The following CACNG2 variants were observed in gnomAD, a reference collection of about 807,000 sequenced individuals.
The protein encoded by CACNG2 is voltage-dependent calcium channel gamma-2 subunit.
Under a neutral mutation model 25.9 loss-of-function variants are expected in CACNG2, and 3 were observed. The observed-to-expected ratio is 0.12, with a 90% CI of 0.05 to 0.30. CACNG2 has a LOEUF of 0.30. Ranked by LOEUF, CACNG2 falls within the 10% of genes least tolerant of loss-of-function variation. CACNG2 has a pLI of 1.00. For missense variants in CACNG2, 341 were observed against 432.5 expected (o/e 0.79, Z 1.88); for synonymous variants, 167 against 173.3 (o/e 0.96, Z 0.29).
chr22:36,612,089 T>C lies in CACNG2; in HGVS notation c.212-24541A>G, dbSNP rs1003303674. ...CCAGCAATCCAAGTTCAAGTATCAG[T>C]AGGACATTTTATTAGATATAGAATG... On this transcript the variant is annotated intron_variant, in intron 1 of 3. Coordinates refer to ENST00000300105, the MANE Select transcript of CACNG2 (RefSeq NM_006078.5). 2.0e-5 allele frequency among the ~76,000 whole-genome samples: 3 copies of C among 152,176 alleles called. No individual in the cohort carries two copies. The East Asian group carries it at 5.8e-4, about 29-fold the overall frequency.
chr22:36,693,960 A>G (rs761995618), intron 1 of CACNG2, among the ~76,000 whole-genome samples: 3 of 152,312 alleles, frequency 2.0e-5, no homozygotes, highest in African/African-American at 2.4e-5. Flanking sequence ...TTTCAACTCT[A>G]TCCTAGAGTC....
At chr22:36,620,340 G>A (rs1050596492) in intron 1 of CACNG2, among the ~76,000 whole-genome samples, 2 of 152,202 alleles carry the variant, frequency 1.3e-5, no homozygotes, top group African/African-American at 2.4e-5. Context: ...GCAATTGAAC[G>A]ACTTTCCACT....
At chr22:36,622,572 A>C (rs891934915) in intron 1 of CACNG2, among the ~76,000 whole-genome samples, 1 of 152,230 alleles carries the variant, frequency 6.6e-6, no homozygotes, top group Non-Finnish European at 1.5e-5. Flanking sequence ...GGGTGAAGGC[A>C]GACATTCGGC....
chr22:36,587,434 G>T lies in CACNG2; in HGVS notation c.295+31C>A, dbSNP rs776752669. 7 of 1,505,218 alleles carry T rather than the reference G, an allele frequency of 4.7e-6. No individual in the cohort carries two copies. In the South Asian group the frequency reaches 7.9e-5, roughly 17 times the overall value. 93.2% of individuals were successfully genotyped at this position (1,505,218 alleles called of 1,614,324 possible). On this transcript the variant is annotated intron_variant, in intron 2 of 3. Transcript: ENST00000300105. ...ATGGAAGGGCAGGGCCCACCACCAG[G>T]AGGGAGATAAAAACAATCGTGTGCA...
At chr22:36,572,706 C>A (rs1935252342) in intron 2 of CACNG2, among the ~76,000 whole-genome samples, 1 of 150,304 alleles carries the variant, frequency 6.7e-6, no homozygotes, top group South Asian at 2.1e-4. Flanking sequence ...GAGTGAGACT[C>A]CATCTCAAAA....
chr22:36,618,691 C>A (rs181711162), intron 1 of CACNG2, among the ~76,000 whole-genome samples: 2 of 152,102 alleles, frequency 1.3e-5, no homozygotes, highest in East Asian at 1.9e-4. Context: ...GAGGCTGAGG[C>A]GAGCGGATCA....
intron 2 of CACNG2, among the ~76,000 whole-genome samples, chr22:36,582,934 T>C (rs1935443630): frequency 6.6e-6 from 1 of 151,982 alleles, no homozygotes; most frequent in African/African-American, 2.4e-5. Context: ...GTGTGTGAAT[T>C]GCTCACACTT....
chr22:36,590,870 C>T (rs1040774038), intron 1 of CACNG2, among the ~76,000 whole-genome samples: 3 of 152,092 alleles, frequency 2.0e-5, no homozygotes, highest in Non-Finnish European at 2.9e-5. Context: ...TCCTGCCATG[C>T]TCCCTCCTAC....
intron 1 of CACNG2, among the ~76,000 whole-genome samples, chr22:36,675,089 T>C (rs1937003623): frequency 6.6e-6 from 1 of 152,204 alleles, no homozygotes. Context: ...CCAGGCCGAA[T>C]GCAGTGTTGT....
intron 1 of CACNG2, among the ~76,000 whole-genome samples, chr22:36,626,166 C>T (rs991149703): frequency 6.6e-6 from 1 of 152,186 alleles, no homozygotes; most frequent in Admixed American, 6.5e-5. Flanking sequence ...ATGATCCACG[C>T]GCCTGGGCCT....
chr22:36,650,796 A>C (rs943755534), intron 1 of CACNG2, among the ~76,000 whole-genome samples: 129 of 152,316 alleles, frequency 8.5e-4, no homozygotes, highest in Non-Finnish European at 2.2e-4. Flanking sequence ...CTGGGATTTT[A>C]GGCATGAGCC....
chr22:36,623,995 G>A (rs745777316), intron 1 of CACNG2, among the ~76,000 whole-genome samples: 3 of 152,078 alleles, frequency 2.0e-5, no homozygotes, highest in Non-Finnish European at 2.9e-5. Context: ...CTTTTGGCTT[G>A]CAGATTCTAG....
At chr22:36,583,302 G>A (rs973374503) in intron 2 of CACNG2, among the ~76,000 whole-genome samples, 3 of 151,912 alleles carry the variant, frequency 2.0e-5, no homozygotes, top group African/African-American at 7.3e-5. Flanking sequence ...ATGTGGTGGC[G>A]GGTGCCTGTA....
chr22:36,671,652 C>G (rs574266788), intron 1 of CACNG2, among the ~76,000 whole-genome samples: 1 of 152,210 alleles, frequency 6.6e-6, no homozygotes, highest in South Asian at 2.1e-4. Context: ...TGTGCATTCC[C>G]GACCTTCCTG....
At chr22:36,625,914 T>C (rs958331732) in intron 1 of CACNG2, among the ~76,000 whole-genome samples, 3 of 152,138 alleles carry the variant, frequency 2.0e-5, no homozygotes, top group Non-Finnish European at 4.4e-5. Context: ...TGGTTTTGCA[T>C]TGACACCTTT....
intron 1 of CACNG2, among the ~76,000 whole-genome samples, chr22:36,648,377 C>A (rs1326373775): frequency 6.6e-6 from 1 of 152,198 alleles, no homozygotes; most frequent in Non-Finnish European, 1.5e-5. Flanking sequence ...ACCCAGAATT[C>A]AACGTGGTAG....
intron 1 of CACNG2, among the ~76,000 whole-genome samples, chr22:36,653,092 C>A (rs918142271): frequency 6.6e-6 from 1 of 152,242 alleles, no homozygotes; most frequent in Non-Finnish European, 1.5e-5. Context: ...GAGGCCGAGG[C>A]GGGTGGATCA....
At chr22:36,697,074 A>G (rs1431087785) in intron 1 of CACNG2, among the ~76,000 whole-genome samples, 1 of 152,208 alleles carries the variant, frequency 6.6e-6, no homozygotes, top group Non-Finnish European at 1.5e-5. Context: ...GATCATTTAC[A>G]CTGGGGACAG....
intron 1 of CACNG2, among the ~76,000 whole-genome samples, chr22:36,633,403 C>T (rs1423587393): frequency 6.6e-6 from 1 of 152,164 alleles, no homozygotes; most frequent in Non-Finnish European, 1.5e-5. Context: ...GCTTGCAAAG[C>T]AAAGGTTAGA....
Sources: gnomAD v4.1 joint callset for allele counts (sites outside exome capture counted in the v4.1 genomes callset) on GRCh38, gnomAD v4.1.1 for gene constraint, MANE v1.5 for transcripts, NCBI Gene and HGNC (gene_info 2026-07-23, HGNC 2026-07-21) for gene names.